Variants in CSMD2 observed in about 807,000 individuals in gnomAD.
The protein encoded by CSMD2 is CUB and Sushi multiple domains 2, also known as CUB and sushi domain-containing protein 2.
A neutral mutation model predicts 398.5 loss-of-function variants in CSMD2; 130 were observed. That is an observed-to-expected ratio of 0.33 (90% CI 0.28 to 0.38). The LOEUF is 0.38. CSMD2 is among the 10% of genes least tolerant of loss of function. The pLI is 1.00. For missense variants in CSMD2, 3,829 were observed against 4,764.9 expected, an observed-to-expected ratio of 0.80 and a Z score of 5.78; for synonymous variants, 1,828 against 1,908.5, an observed-to-expected ratio of 0.96 and a Z score of 1.10.
At chr1:33,663,117 T>A in intron 25 of CSMD2, 25 bp from the exon 26 acceptor site, 2 of 1,595,762 alleles carry the variant, frequency 1.3e-6, no homozygotes, top group Non-Finnish European at 1.7e-6. Flanking sequence ...GAGGCAGTGG[T>A]CATCTGGACT....
At chr1:33,643,975 G>T (rs1053298029) in intron 29 of CSMD2, among the ~76,000 whole-genome samples, 2 of 152,034 alleles carry the variant, frequency 1.3e-5, no homozygotes, top group Admixed American at 1.3e-4. Flanking sequence ...CTTCCAACAG[G>T]CACCCCCTAC....
chr1:34,031,610 C>A (rs1650429430), intron 3 of CSMD2, among the ~76,000 whole-genome samples: 1 of 152,006 alleles, frequency 6.6e-6, no homozygotes, highest in African/African-American at 2.4e-5. Context: ...ATACCCCCTG[C>A]CACCAGGGGT....
intron 2 of CSMD2, among the ~76,000 whole-genome samples, chr1:34,056,441 G>A (rs1653838146): frequency 6.6e-6 from 1 of 152,176 alleles, no homozygotes; most frequent in African/African-American, 2.4e-5. Context: ...TGAAAGGCCT[G>A]CAATTTAGTA....
chr1:34,077,456 C>CAAAAAAA (rs34856451), intron 2 of CSMD2, among the ~76,000 whole-genome samples: 3 of 28,486 alleles, frequency 1.1e-4, no homozygotes, highest in Admixed American at 4.6e-4. Context: ...AACTCCGTCT[C>CAAAAAAA]AAAAAAAAAA....
intron 3 of CSMD2, among the ~76,000 whole-genome samples, chr1:33,998,098 G>A (rs1033702880): frequency 6.6e-6 from 1 of 152,156 alleles, no homozygotes; most frequent in Non-Finnish European, 1.5e-5. Context: ...CCTCATGAAT[G>A]GATTAATCCA....
At chr1:33,556,919 C>A (rs1476507865) in intron 55 of CSMD2, among the ~76,000 whole-genome samples, 1 of 152,140 alleles carries the variant, frequency 6.6e-6, no homozygotes, top group African/African-American at 2.4e-5. Flanking sequence ...GAGGCCTCCC[C>A]AGCCCTGTGA....
intron 1 of CSMD2, among the ~76,000 whole-genome samples, chr1:34,124,038 C>T (rs1662487181): frequency 6.6e-6 from 1 of 152,172 alleles, no homozygotes; most frequent in Non-Finnish European, 1.5e-5. Context: ...AAGATGGAAT[C>T]CAGTTCCTCA....
chr1:34,004,013 G>A (rs1167745788), intron 3 of CSMD2, among the ~76,000 whole-genome samples: 1 of 152,162 alleles, frequency 6.6e-6, no homozygotes, highest in Non-Finnish European at 1.5e-5. Flanking sequence ...CTAGCCCCAG[G>A]AGACCAGCCA....
rs566296030 is a variant in CSMD2, at chr1:33,804,894, C to A, written c.1446+5849G>T. ...GCATTGTATGTTCCCTGGGTCTCCT[C>A]CCGCCTGGATCAGGATAGGGTTCTC... On this transcript the variant is annotated intron_variant, in intron 10 of 70. Coordinates refer to ENST00000373381, the MANE Select transcript of CSMD2 (RefSeq NM_001281956.2). 2.1e-5 allele frequency: 15 copies of A among 717,376 alleles called. No homozygotes were observed. The East Asian group carries it at 3.5e-4, about 17-fold the overall frequency. 44.4% of individuals were successfully genotyped at this position (717,376 alleles called of 1,614,324 possible). A position where few individuals can be genotyped will look rare whatever the true frequency, so the allele number is the denominator to read the frequency against.
chr1:33,614,711 T>C, intron 39 of CSMD2, 91 bp from the exon 40 acceptor site: 1 of 705,254 alleles, frequency 1.4e-6, no homozygotes. Context: ...CAAGCAGCAG[T>C]TTTTAAGCTT....
intron 27 of CSMD2, among the ~76,000 whole-genome samples, chr1:33,655,898 T>C (rs953000911): frequency 6.6e-6 from 1 of 152,204 alleles, no homozygotes; most frequent in Non-Finnish European, 1.5e-5. Flanking sequence ...ACTGCACATT[T>C]ATTGCTCTCC....
chr1:33,831,282 AG>A (rs1659523318), intron 6 of CSMD2, among the ~76,000 whole-genome samples: 2 of 152,228 alleles, frequency 1.3e-5, no homozygotes, highest in African/African-American at 4.8e-5. Flanking sequence ...TTACCCACAA[AG>A]GGAAGCCCAT....
At chr1:33,872,921 C>A (rs1328558492) in intron 5 of CSMD2, among the ~76,000 whole-genome samples, 5 of 152,198 alleles carry the variant, frequency 3.3e-5, no homozygotes, top group African/African-American at 1.2e-4. Context: ...AACTTGCAGT[C>A]TTTTCCTGGC....
chr1:33,972,241 C>A (rs1056485713), intron 3 of CSMD2, among the ~76,000 whole-genome samples: 1 of 152,136 alleles, frequency 6.6e-6, no homozygotes, highest in African/African-American at 2.4e-5. Context: ...TAAGCCAGGT[C>A]CCTGTGATAC....
chr1:33,532,912 A>T (rs577502349), intron 64 of CSMD2, 138 bp downstream of exon 64: 1 of 882,474 alleles, frequency 1.1e-6, no homozygotes, highest in East Asian at 2.7e-5. Flanking sequence ...TCTAGACTCA[A>T]AACCTTAGAA....
Position 33,559,159 on chromosome 1 carries a change from T to G in CSMD2, c.8554+141A>C. 1 of 737,614 alleles carries G rather than the reference T, an allele frequency of 1.4e-6. No individual in the cohort carries two copies. Among genetic ancestry groups the G allele is most frequent in the Non-Finnish European group, 2.1e-6 (1 of 474,000 alleles). 45.7% of individuals were successfully genotyped at this position (737,614 alleles called of 1,614,324 possible). A position where few individuals can be genotyped will look rare whatever the true frequency, so the allele number is the denominator to read the frequency against. ...TATCTAAGGGTTGAGAAAGTCCTCA[T>G]TTATGACCCTTCTCTGCTCCATCTT... On this transcript the variant is annotated intron_variant, in intron 54 of 70. Transcript: ENST00000373381. The surrounding 1 kb of genome is among the most constrained non-coding windows in gnomAD (Gnocchi z 4.0).
chr1:33,797,145 C>T (rs1655050311), intron 10 of CSMD2, among the ~76,000 whole-genome samples: 1 of 152,202 alleles, frequency 6.6e-6, no homozygotes, highest in African/African-American at 2.4e-5. Flanking sequence ...AGCATGTGAT[C>T]TTTGTTCTCC....
rs146766965 is a variant in CSMD2, at chr1:33,742,187, A to G, written c.2173+1093T>C. ...CCTGAGAAGGTTGATTGTGTCCTAAACAAGAGTGGTGAGGGGAATGGAATG... is the reference window on the plus strand; with the variant it reads ...CCTGAGAAGGTTGATTGTGTCCTAAGCAAGAGTGGTGAGGGGAATGGAATG... On this transcript the variant is annotated intron_variant, in intron 14 of 70. Coordinates refer to ENST00000373381, the MANE Select transcript of CSMD2 (RefSeq NM_001281956.2). Among the ~76,000 whole-genome samples, 648 of 152,322 alleles carry G rather than the reference A, an allele frequency of 4.3e-3. 5 individuals carry two copies. The Middle Eastern group carries it at 0.048, about 11-fold the overall frequency.
At chr1:34,155,357 C>T (rs931909013) in intron 1 of CSMD2, among the ~76,000 whole-genome samples, 3 of 152,094 alleles carry the variant, frequency 2.0e-5, no homozygotes, top group Non-Finnish European at 4.4e-5. Flanking sequence ...CAGAGGTTCT[C>T]GAATGCAGGG....
Sources: allele counts gnomAD v4.1 joint callset (sites outside exome capture counted in the v4.1 genomes callset), GRCh38; gene constraint gnomAD v4.1.1; non-coding constraint Gnocchi (gnomAD v3.1); transcripts MANE v1.5; gene names NCBI Gene and HGNC (gene_info 2026-07-23, HGNC 2026-07-21).